Variants in CROCC observed in about 807,000 individuals in gnomAD.
CROCC encodes rootletin.
Under a neutral mutation model 245.2 loss-of-function variants are expected in CROCC, and 180 were observed. The ratio of observed to expected loss-of-function variants is 0.73; its 90% CI spans 0.65 to 0.83. CROCC has a LOEUF of 0.83. Ranked by LOEUF, CROCC falls within the 40% of genes least tolerant of loss-of-function variation. CROCC has a pLI of 0.00. For synonymous variants in CROCC, 1,205 were observed against 1,241.6 expected, an observed-to-expected ratio of 0.97 and a Z score of 0.62; for missense variants, 2,688 against 2,779.4, an observed-to-expected ratio of 0.97 and a Z score of 0.74.
intron 17 of CROCC, 57 bp downstream of exon 17, chr1:16,947,048 C>G: frequency 6.9e-7 from 1 of 1,443,428 alleles, no homozygotes; most frequent in Non-Finnish European, 9.4e-7. Flanking sequence ...GGCCGGGCTC[C>G]CAGCCCCCTG....
rs759970560 is a variant in CROCC at position 16,966,504 on chromosome 1, C to T, written c.4793C>T (p.Thr1598Met). The T allele has an allele frequency of 1.2e-5, 18 of 1,529,658 alleles. No homozygotes were observed. Among genetic ancestry groups the T allele is most frequent in the Middle Eastern group, 2.3e-4 (1 of 4,416 alleles). 94.8% of individuals were successfully genotyped at this position (1,529,658 alleles called of 1,614,324 possible). A position where few individuals can be genotyped will look rare whatever the true frequency, so the allele number is the denominator to read the frequency against. Residue 1598 changes from threonine to methionine, a missense_variant, in exon 30 of 37, where the codon ACG becomes ATG. Thr to Met is a moderately conservative substitution (Grantham distance 81, BLOSUM62 -1). Coordinates refer to ENST00000375541, the MANE Select transcript of CROCC (RefSeq NM_014675.5). This position sits in a 1 kb window ranked among gnomAD's most constrained non-coding sequence, Gnocchi z 4.8. ...VRRSERERRA[T>M]LDQVATLERS... ...CGCAGTGAGCGGGAGCGCCGGGCCA[C>T]GCTGGACCAGGTGGCCACACTGGAG...
intron 10 of CROCC, 46 bp from the exon 11 acceptor site, chr1:16,938,354 T>C: frequency 6.6e-7 from 1 of 1,511,062 alleles, no homozygotes; most frequent in Middle Eastern, 2.3e-4. Context: ...AGGTTTCAGA[T>C]AAGACAGAAC....
chr1:16,939,442 TAG>T (rs1477350619), intron 12 of CROCC, among the ~76,000 whole-genome samples: 1 of 151,876 alleles, frequency 6.6e-6, no homozygotes, highest in Non-Finnish European at 1.5e-5. Flanking sequence ...AGGGTCCTGG[TAG>T]AGAGGGAGAC....
At chr1:16,915,501 G>A (rs1490292835) in intron 1 of CROCC, among the ~76,000 whole-genome samples, 3 of 152,274 alleles carry the variant, frequency 2.0e-5, no homozygotes, top group African/African-American at 7.2e-5. Context: ...TTAGCCAGAC[G>A]TGGTGGCACG....
chr1:16,969,086 C>T (rs1241054233), intron 31 of CROCC, 30 bp from the exon 32 acceptor site: 2 of 1,569,642 alleles, frequency 1.3e-6, no homozygotes, highest in Non-Finnish European at 1.7e-6. Context: ...ATGGGAACAG[C>T]CCCGATTGTT....
intron 13 of CROCC, chr1:16,941,280 C>G (rs2075925543): frequency 6.5e-6 from 1 of 152,800 alleles, no homozygotes. Flanking sequence ...CAAAAATTAA[C>G]CAGGCATGGT....
At chr1:16,969,031 C>T (rs560850512) in intron 31 of CROCC, 85 bp from the exon 32 acceptor site, 4 of 1,282,466 alleles carry the variant, frequency 3.1e-6, no homozygotes, top group Non-Finnish European at 3.3e-6. Flanking sequence ...GTGGATTGGG[C>T]ATGCCAGGTG....
intron 3 of CROCC, among the ~76,000 whole-genome samples, chr1:16,924,878 T>C (rs1397529887): frequency 7.2e-5 from 11 of 152,270 alleles, no homozygotes; most frequent in Non-Finnish European, 1.3e-4. Context: ...GGCTGGATGC[T>C]GGCTCGAGGC....
chr1:16,959,989 G>A (rs1034994356), intron 26 of CROCC, among the ~76,000 whole-genome samples: 9 of 151,812 alleles, frequency 5.9e-5, no homozygotes, highest in African/African-American at 1.2e-4. Flanking sequence ...AAAAACAGCC[G>A]GGCGCAGTGG....
chr1:16,922,194 TGGG>T, intron 1 of CROCC, 116 bp downstream of exon 1: 1 of 1,116,782 alleles, frequency 9.0e-7, no homozygotes, highest in South Asian at 1.7e-5. Context: ...GTGGTGGTGG[TGGG>T]GTATACAGGG....
rs756811015 is a variant in CROCC, at chr1:16,948,376, C to T, written c.2560C>T (p.Arg854Trp). The T allele has an allele frequency of 4.4e-6, 7 of 1,577,976 alleles. No individual in the cohort carries two copies. The highest frequency in any genetic ancestry group is 1.3e-5 in the African/African-American group (1 of 74,754). ...GCGGGAGCAGGAGCTGGAGCAGGCC[C>T]GGCGGGAGGCCCAGCGGCAAGTGGA... ...SGREQELEQA[R>W]REAQRQVEAL... The change falls in exon 18 of 37, where the codon CGG (arginine) becomes TGG (tryptophan). Residue 854 changes from arginine to tryptophan, a missense_variant. Physicochemically the swap from Arg to Trp is moderately radical, Grantham distance 101. This residue lies in a region of CROCC where 295 missense variants were observed against 241.7 expected (regional missense o/e 1.22). Transcript: ENST00000375541.
chr1:16,937,890 GCA>G (rs1309819389), intron 10 of CROCC, among the ~76,000 whole-genome samples, 153 bp downstream of exon 10: 2 of 152,266 alleles, frequency 1.3e-5, no homozygotes, highest in African/African-American at 4.8e-5. Context: ...TTTGTGGGAA[GCA>G]CACTCACCTC....
intron 1 of CROCC, 135 bp downstream of exon 1, chr1:16,922,213 C>G: frequency 1.1e-6 from 1 of 913,502 alleles, no homozygotes; most frequent in South Asian, 1.9e-5. Context: ...CAGGGGCCCC[C>G]CGCTTGCAGT....
chr1:16,971,633 G>A lies in CROCC; in HGVS notation c.5953G>A (p.Gly1985Arg). ...RERAHRQRVR[G>R]LEEQVSTLKG... ...GCGGGCCCACCGCCAGAGGGTGCGT[G>A]GGCTGGAGGAGCAGGTGTGCAGGCC... The change falls in exon 36 of 37, where the codon GGG becomes AGG. Residue 1985 changes from glycine (G) to arginine (R), a missense_variant. Gly to Arg is a moderately radical substitution (Grantham distance 125). This residue lies in a region of CROCC where 1,218 missense variants were observed against 1,286.3 expected (regional missense o/e 0.95). Coordinates refer to ENST00000375541, the MANE Select transcript of CROCC (RefSeq NM_014675.5). 1 of 1,500,520 alleles carries A rather than the reference G, an allele frequency of 6.7e-7. No homozygotes were observed. Among genetic ancestry groups the A allele is most frequent in the South Asian group, 1.3e-5 (1 of 79,680 alleles). The allele number at this position is 1,500,520 out of a possible 1,614,324, so 93.0% of individuals were successfully genotyped here.
chr1:16,914,600 A>G (rs1214075226), intron 1 of CROCC, among the ~76,000 whole-genome samples: 1 of 152,278 alleles, frequency 6.6e-6, no homozygotes, highest in Non-Finnish European at 1.5e-5. Context: ...GGATGGGGAA[A>G]CTGAGGCCCA....
In CROCC at chr1:16,961,101, G is replaced by C; in HGVS notation, c.4376G>C (p.Gly1459Ala). The change falls in exon 27 of 37, where the codon GGT (glycine) becomes GCT (alanine). Residue 1459 changes from glycine to alanine, a missense_variant. Around this residue, in one of 9 missense-constraint regions of CROCC, gnomAD observed 1,218 missense variants for 1,286.3 expected, o/e 0.95. Transcript: ENST00000375541. ...APSPAPRPVP[G>A]SPARDAPAEG... ...AGCCCAGCCCCGCGGCCAGTGCCCG[G>C]TTCCCCTGCCCGGGACGCACCCGCA... 5 of 1,364,278 alleles carry C rather than the reference G, an allele frequency of 3.7e-6. No homozygotes were observed. The highest frequency in any genetic ancestry group is 4.7e-6 in the Non-Finnish European group (5 of 1,062,194). The allele number at this position is 1,364,278 out of a possible 1,614,324, so 84.5% of individuals were successfully genotyped here.
intron 26 of CROCC, among the ~76,000 whole-genome samples, chr1:16,959,813 C>T (rs568382355): frequency 6.6e-6 from 1 of 152,282 alleles, no homozygotes; most frequent in East Asian, 1.9e-4. Context: ...GGGCACTTAA[C>T]CTTCCTGGCT....
chr1:16,940,143 G>A (rs1479582445), intron 13 of CROCC, 50 bp downstream of exon 13: 7 of 1,545,084 alleles, frequency 4.5e-6, no homozygotes, highest in African/African-American at 1.4e-5. Flanking sequence ...GTCACCGTCT[G>A]GGCATAACAC....
At chr1:16,969,389 C>A (rs1456466987) in intron 32 of CROCC, 49 bp downstream of exon 32, 8 of 1,543,902 alleles carry the variant, frequency 5.2e-6, no homozygotes, top group Non-Finnish European at 7.0e-6. Flanking sequence ...GAGAGTCAGC[C>A]AGTAAGAGCA....
Sources: allele counts gnomAD v4.1 joint callset (sites outside exome capture counted in the v4.1 genomes callset), GRCh38; gene constraint gnomAD v4.1.1; regional missense constraint gnomAD v4.1.1; non-coding constraint Gnocchi (gnomAD v3.1); transcripts MANE v1.5; gene names NCBI Gene and HGNC (gene_info 2026-07-23, HGNC 2026-07-21).